FOCAD: variants seen among roughly 807,000 people sequenced by gnomAD.
The protein encoded by FOCAD is KIAA1797.
FOCAD carries 198 observed loss-of-function variants against 225.6 expected under a neutral mutation model. The observed-to-expected ratio is 0.88, with a 90% CI of 0.78 to 0.99. The LOEUF (loss-of-function observed/expected upper bound fraction) is 0.99. Among genes scored for constraint, FOCAD ranks in the 50% least tolerant of loss-of-function variants. The pLI is 0.00. For missense variants in FOCAD, 2,713 were observed against 2,123.6 expected (o/e 1.28, Z -5.46); for synonymous variants, 897 against 755.0 (o/e 1.19, Z -3.08).
At chr9:20,754,280 T>C (rs562124805) in intron 5 of FOCAD, among the ~76,000 whole-genome samples, 5 of 152,334 alleles carry the variant, frequency 3.3e-5, no homozygotes, top group African/African-American at 1.2e-4. Context: ...TTAAATGCTT[T>C]AATTATAATT....
intron 35 of FOCAD, among the ~76,000 whole-genome samples, chr9:20,970,959 T>G (rs1330562258): frequency 2.0e-5 from 3 of 152,202 alleles, no homozygotes; most frequent in African/African-American, 7.2e-5. Flanking sequence ...CTGAACATTT[T>G]GGATATTGTA....
intron 15 of FOCAD, among the ~76,000 whole-genome samples, chr9:20,826,491 C>G (rs1379807644): frequency 6.6e-6 from 1 of 152,076 alleles, no homozygotes; most frequent in African/African-American, 2.4e-5. Flanking sequence ...GGTTTTGGGA[C>G]TCAGACTGGC....
At chr9:20,847,027 G>A (rs1252850311) in intron 15 of FOCAD, among the ~76,000 whole-genome samples, 1 of 152,102 alleles carries the variant, frequency 6.6e-6, no homozygotes, top group Admixed American at 6.6e-5. Flanking sequence ...CTGTCAAGTA[G>A]AACCATGCTA....
intron 8 of FOCAD, among the ~76,000 whole-genome samples, chr9:20,773,277 G>C (rs765499511): frequency 4.6e-5 from 7 of 152,188 alleles, no homozygotes; most frequent in Non-Finnish European, 1.0e-4. Context: ...GTTGAAAGCA[G>C]ACAAGGTTCA....
intron 15 of FOCAD, among the ~76,000 whole-genome samples, chr9:20,838,286 T>A (rs1826187151): frequency 6.6e-6 from 1 of 151,820 alleles, no homozygotes; most frequent in Non-Finnish European, 1.5e-5. Flanking sequence ...TTTTTTTTAA[T>A]TTTGAGCTTT....
chr9:20,989,987 T>TG (rs1010793229), intron 41 of FOCAD, 136 bp from the exon 42 acceptor site: 3 of 877,324 alleles, frequency 3.4e-6, no homozygotes, highest in African/African-American at 1.7e-5. Flanking sequence ...CTCTTCTGGG[T>TG]GGGGGTAGGG....
At chr9:20,738,394 G>T (rs1055415585) in intron 4 of FOCAD, among the ~76,000 whole-genome samples, 6 of 152,184 alleles carry the variant, frequency 3.9e-5, no homozygotes, top group African/African-American at 1.4e-4. Context: ...AAGTACCATA[G>T]AATTGACACA....
chr9:20,713,533 A>G lies in FOCAD; in HGVS notation c.-32-1789A>G, dbSNP rs961663337. On this transcript the variant is annotated intron_variant, in intron 1 of 43. Transcript: ENST00000338382. ...TCTGCTTCACTTTTTTTTAATTAGC[A>G]CTTACCATCTTCTAACATATTTTAT... 3.9e-5 allele frequency among the ~76,000 whole-genome samples: 6 copies of G among 152,174 alleles called. No homozygotes were observed. In the South Asian group the frequency reaches 1.0e-3, roughly 26 times the overall value.
intron 4 of FOCAD, among the ~76,000 whole-genome samples, chr9:20,735,561 G>T (rs1827085114): frequency 6.7e-6 from 1 of 149,708 alleles, no homozygotes; most frequent in Non-Finnish European, 1.5e-5. Context: ...TGTCATCCAG[G>T]TTTGAGTGCT....
At chr9:20,850,345 G>A (rs902607308) in intron 15 of FOCAD, among the ~76,000 whole-genome samples, 2 of 151,588 alleles carry the variant, frequency 1.3e-5, no homozygotes, top group South Asian at 4.1e-4. Flanking sequence ...AGGTACAAGT[G>A]CAGGATTGTC....
intron 4 of FOCAD, among the ~76,000 whole-genome samples, chr9:20,732,879 C>T (rs1254107170): frequency 6.6e-6 from 1 of 152,060 alleles, no homozygotes; most frequent in Non-Finnish European, 1.5e-5. Flanking sequence ...CTGGCTTTCT[C>T]TACATTTAGA....
At position 20,970,229 on chromosome 9, in the gene FOCAD, G is replaced by A. The variant is rs147068378; in HGVS notation, c.4133-6191G>A. ...CTTTGTTGAGCTTCTTGAATGTATG[G>A]ATTTGTGTCTTTTTTATTAAATTGG... On this transcript the variant is annotated intron_variant, in intron 35 of 43. Transcript: ENST00000338382. 1.1e-4 allele frequency among the ~76,000 whole-genome samples: 16 copies of A among 152,068 alleles called. No homozygotes were observed. In the East Asian group the frequency reaches 3.1e-3, roughly 29 times the overall value.
intron 15 of FOCAD, among the ~76,000 whole-genome samples, chr9:20,836,505 G>A (rs186111667): frequency 1.2e-3 from 182 of 152,166 alleles, no homozygotes; most frequent in African/African-American, 4.2e-3. Context: ...GTTATTTGTA[G>A]TTGGGGCATG....
chr9:20,723,795 T>C (rs1295173984), intron 4 of FOCAD, among the ~76,000 whole-genome samples: 1 of 152,236 alleles, frequency 6.6e-6, no homozygotes, highest in African/African-American at 2.4e-5. Flanking sequence ...TGCATTGCTA[T>C]AAAGAAATAC....
intron 1 of FOCAD, 54 bp from the exon 2 acceptor site, chr9:20,715,267 GC>G: frequency 1.4e-6 from 1 of 724,958 alleles, no homozygotes; most frequent in South Asian, 3.3e-5. Context: ...ATTAATTGGA[GC>G]CCCAATTCAG....
chr9:20,976,019 A>G (rs1840200580), intron 35 of FOCAD, among the ~76,000 whole-genome samples: 4 of 152,188 alleles, frequency 2.6e-5, no homozygotes, highest in Non-Finnish European at 5.9e-5. Flanking sequence ...GGTAGTGACT[A>G]TAGTTAACAG....
chr9:20,739,095 A>T (rs1380515257), intron 4 of FOCAD, among the ~76,000 whole-genome samples: 1 of 152,036 alleles, frequency 6.6e-6, no homozygotes, highest in African/African-American at 2.4e-5. Flanking sequence ...CACTTGGAAA[A>T]CCTTAAATGC....
At chr9:20,895,101 G>A (rs1476547055) in intron 21 of FOCAD, among the ~76,000 whole-genome samples, 4 of 151,918 alleles carry the variant, frequency 2.6e-5, no homozygotes, top group African/African-American at 9.7e-5. Context: ...TCCATTGTTT[G>A]ACTCATTCTC....
Position 20,866,917 on chromosome 9 carries a change from T to TTTTACCAAAAAA in FOCAD, c.2107-12_2107-11insTTTACCAAAAAA. The TTTTACCAAAAAA allele has an allele frequency of 1.3e-6, 1 of 764,972 alleles. No homozygotes were observed. Among genetic ancestry groups the TTTTACCAAAAAA allele is most frequent in the Non-Finnish European group, 2.0e-6 (1 of 498,468 alleles). The allele number at this position is 764,972 out of a possible 1,614,324, so 47.4% of individuals were successfully genotyped here. On this transcript the variant is annotated splice_polypyrimidine_tract_variant and intron_variant, in intron 17 of 43. Coordinates refer to ENST00000338382, the MANE Select transcript of FOCAD (RefSeq NM_001375567.1). ...TTTTTTTTTTTTTTTTTTTTTTTTT[T>TTTTACCAAAAAA]ACCCTATCTAGGACCCAATTGTAGC... is the stretch of plus-strand genomic sequence containing the variant.
Sources: gnomAD v4.1 joint callset for allele counts (sites outside exome capture counted in the v4.1 genomes callset) on GRCh38, gnomAD v4.1.1 for gene constraint, MANE v1.5 for transcripts, NCBI Gene and HGNC (gene_info 2026-07-23, HGNC 2026-07-21) for gene names.